Variants in OPCML observed in about 807,000 individuals in gnomAD.
OPCML encodes opioid binding protein/cell adhesion molecule like, also known as opioid-binding protein/cell adhesion molecule.
A neutral mutation model predicts 37.8 loss-of-function variants in OPCML; 13 were observed. The ratio of observed to expected loss-of-function variants is 0.34; its 90% confidence interval spans 0.22 to 0.55. OPCML has a LOEUF of 0.55. Among genes scored for constraint, OPCML ranks in the 20% least tolerant of loss-of-function variants. The pLI is 0.91. For missense variants in OPCML, 341 were observed against 435.6 expected (o/e 0.78, Z 1.93); for synonymous variants, 176 against 168.8 (o/e 1.04, Z -0.33).
intron 1 of OPCML, among the ~76,000 whole-genome samples, chr11:133,012,936 T>C (rs1308677745): frequency 4.6e-5 from 7 of 152,116 alleles, no homozygotes; most frequent in African/African-American, 1.4e-4. Context: ...CCTGGATATT[T>C]CTAGCATTCT....
chr11:132,507,068 A>G (rs564662409), intron 4 of OPCML, among the ~76,000 whole-genome samples: 1 of 151,760 alleles, frequency 6.6e-6, no homozygotes, highest in African/African-American at 2.4e-5. Context: ...TACAATCTTA[A>G]AGTTAGATAA....
intron 1 of OPCML, among the ~76,000 whole-genome samples, chr11:133,428,430 C>T (rs537145791): frequency 6.6e-6 from 1 of 152,232 alleles, no homozygotes; most frequent in South Asian, 2.1e-4. Context: ...ATTATGTCTC[C>T]TTCAAAAACC....
At chr11:132,641,778 A>G (rs1940865328) in intron 3 of OPCML, among the ~76,000 whole-genome samples, 1 of 151,930 alleles carries the variant, frequency 6.6e-6, no homozygotes, top group Non-Finnish European at 1.5e-5. Context: ...CTCACTTTCC[A>G]CCCTGCTGTT....
chr11:132,810,079 A>C (rs541637230), intron 2 of OPCML, among the ~76,000 whole-genome samples: 1 of 151,904 alleles, frequency 6.6e-6, no homozygotes, highest in African/African-American at 2.4e-5. Flanking sequence ...TCGAAGTCCT[A>C]ACCTCGTGAT....
chr11:133,462,223 T>G (rs1946875934), intron 1 of OPCML, among the ~76,000 whole-genome samples: 3 of 151,956 alleles, frequency 2.0e-5, no homozygotes, highest in Admixed American at 2.0e-4. Context: ...GTGTAAAAGC[T>G]AAAACTATAA....
At chr11:133,094,132 T>C (rs1948960588) in intron 1 of OPCML, among the ~76,000 whole-genome samples, 1 of 152,148 alleles carries the variant, frequency 6.6e-6, no homozygotes, top group African/African-American at 2.4e-5. Flanking sequence ...CAGGTGCAGC[T>C]ATAATTATGT....
intron 1 of OPCML, among the ~76,000 whole-genome samples, chr11:133,252,127 TTA>T (rs1427841428): frequency 6.6e-6 from 1 of 152,188 alleles, no homozygotes; most frequent in Non-Finnish European, 1.5e-5. Flanking sequence ...TTAAAATAAA[TTA>T]TATTAGGCAC....
chr11:133,482,337 G>A (rs1947392484), intron 1 of OPCML, among the ~76,000 whole-genome samples: 1 of 152,176 alleles, frequency 6.6e-6, no homozygotes, highest in African/African-American at 2.4e-5. Context: ...TGGAGTTAAG[G>A]GTGGCTAGCG....
chr11:133,232,449 G>T (rs1292864881), intron 1 of OPCML, among the ~76,000 whole-genome samples: 2 of 152,146 alleles, frequency 1.3e-5, no homozygotes, highest in Non-Finnish European at 2.9e-5. Flanking sequence ...GAAAGAACAT[G>T]GAAACAATGT....
At chr11:132,441,515 G>A (rs1396041588) in intron 4 of OPCML, among the ~76,000 whole-genome samples, 1 of 152,126 alleles carries the variant, frequency 6.6e-6, no homozygotes, top group Non-Finnish European at 1.5e-5. Flanking sequence ...TATTTTCCTT[G>A]TCAAACAGGA....
intron 1 of OPCML, among the ~76,000 whole-genome samples, chr11:133,207,884 C>CT (rs1174098042): frequency 6.6e-6 from 1 of 152,078 alleles, no homozygotes; most frequent in Non-Finnish European, 1.5e-5. Context: ...CTACTGTGGA[C>CT]TTTTTGGACC....
chr11:132,492,522 C>T (rs564199968), intron 4 of OPCML, among the ~76,000 whole-genome samples: 94 of 151,862 alleles, frequency 6.2e-4, no homozygotes, highest in East Asian at 2.5e-3. Context: ...TTGTTGTTGT[C>T]GTTGTTGTTG....
intron 3 of OPCML, among the ~76,000 whole-genome samples, chr11:132,623,958 CTCTT>C (rs1418229318): frequency 1.3e-5 from 2 of 152,156 alleles, no homozygotes; most frequent in Non-Finnish European, 2.9e-5. Context: ...GGATGGATTG[CTCTT>C]TTCAATTTAA....
chr11:133,519,558 T>C (rs1948357774), intron 1 of OPCML, among the ~76,000 whole-genome samples: 2 of 152,122 alleles, frequency 1.3e-5, no homozygotes, highest in Admixed American at 6.5e-5. Context: ...GATTATAAGA[T>C]GCTTTTACCA....
At chr11:133,525,129 C>T (rs1317005127) in intron 1 of OPCML, among the ~76,000 whole-genome samples, 1 of 152,180 alleles carries the variant, frequency 6.6e-6, no homozygotes, top group Non-Finnish European at 1.5e-5. Context: ...AATACATGGA[C>T]TCACAGTTTT....
At chr11:132,479,785 G>T (rs539713042) in intron 4 of OPCML, among the ~76,000 whole-genome samples, 2 of 152,180 alleles carry the variant, frequency 1.3e-5, no homozygotes, top group South Asian at 4.2e-4. Context: ...CACAGGGCCG[G>T]GTACTCCAAC....
chr11:132,819,768 T>C (rs1473344062), intron 2 of OPCML, among the ~76,000 whole-genome samples: 2 of 152,334 alleles, frequency 1.3e-5, no homozygotes, highest in South Asian at 2.1e-4. Context: ...CCTCAAGAAA[T>C]ACAACAAGAG....
intron 3 of OPCML, among the ~76,000 whole-genome samples, chr11:132,643,822 C>A (rs931957378): frequency 6.6e-6 from 1 of 152,158 alleles, no homozygotes; most frequent in African/African-American, 2.4e-5. Context: ...GTTAGAGAGC[C>A]ATGTGCCTAG....
chr11:133,397,266 C>T (rs547783378), intron 1 of OPCML, among the ~76,000 whole-genome samples: 1 of 152,230 alleles, frequency 6.6e-6, no homozygotes, highest in Admixed American at 6.5e-5. Flanking sequence ...CCCTTCAATA[C>T]CTAGGGATAT....
Sources: allele counts gnomAD v4.1 joint callset (sites outside exome capture counted in the v4.1 genomes callset), GRCh38; gene constraint gnomAD v4.1.1; transcripts MANE v1.5; gene names NCBI Gene and HGNC (gene_info 2026-07-23, HGNC 2026-07-21).